The following PPFIA2 variants were observed in gnomAD, a reference collection of about 807,000 sequenced individuals.
PPFIA2 encodes PPFI scaffold protein A2.
Under a neutral mutation model 175.5 loss-of-function variants are expected in PPFIA2, and 46 were observed. The observed-to-expected ratio is 0.26, with a 90% CI of 0.21 to 0.34. The LOEUF (loss-of-function observed/expected upper bound fraction) is 0.34, where lower values mean the gene tolerates loss of function less well. Among genes scored for constraint, PPFIA2 ranks in the 10% least tolerant of loss-of-function variants. The probability of loss-of-function intolerance (pLI) is 1.00; values close to 1 mark genes in which losing one functional copy is unlikely to be tolerated. For synonymous variants in PPFIA2, 568 were observed against 511.4 expected (o/e 1.11, Z -1.49); for missense variants, 1,179 against 1,506.1 (o/e 0.78, Z 3.60).
intron 8 of PPFIA2, 97 bp from the exon 9 acceptor site, chr12:81,384,341 A>C (rs1336280245): frequency 1.1e-6 from 1 of 897,606 alleles, no homozygotes; most frequent in East Asian, 2.8e-5. Flanking sequence ...CTGCTTTCAC[A>C]GTGAGAAATA....
intron 4 of PPFIA2, among the ~76,000 whole-genome samples, chr12:81,510,979 T>G (rs901805629): frequency 2.6e-5 from 4 of 152,118 alleles, no homozygotes; most frequent in African/African-American, 7.2e-5. Context: ...TCTTTATCCT[T>G]TCCTTAATCT....
At chr12:81,754,999 C>T (rs943336630) in intron 2 of PPFIA2, among the ~76,000 whole-genome samples, 1 of 152,096 alleles carries the variant, frequency 6.6e-6, no homozygotes, top group African/African-American at 2.4e-5. Flanking sequence ...CATCATTACA[C>T]TTAATATTCC....
chr12:81,556,967 G>A (rs1027984907), intron 4 of PPFIA2, among the ~76,000 whole-genome samples: 1 of 151,804 alleles, frequency 6.6e-6, no homozygotes, highest in Non-Finnish European at 1.5e-5. Context: ...AAGTCAAGCT[G>A]TTAATTTCTT....
At chr12:81,412,570 T>G (rs1258828523) in intron 7 of PPFIA2, among the ~76,000 whole-genome samples, 3 of 151,944 alleles carry the variant, frequency 2.0e-5, no homozygotes, top group Non-Finnish European at 1.5e-5. Context: ...ACCAACCTAA[T>G]AATAATCAGG....
intron 4 of PPFIA2, among the ~76,000 whole-genome samples, chr12:81,673,681 T>A (rs1218849713): frequency 6.6e-6 from 1 of 152,046 alleles, no homozygotes; most frequent in African/African-American, 2.4e-5. Flanking sequence ...TTTAAGTTAA[T>A]ATTTAACAGA....
intron 14 of PPFIA2, among the ~76,000 whole-genome samples, chr12:81,363,949 G>A (rs1190182557): frequency 6.6e-6 from 1 of 151,858 alleles, no homozygotes; most frequent in Non-Finnish European, 1.5e-5. Context: ...GTAGTGAGCT[G>A]ACAAATGTCT....
intron 3 of PPFIA2, among the ~76,000 whole-genome samples, chr12:81,686,027 A>T (rs2074379741): frequency 1.3e-5 from 2 of 152,086 alleles, no homozygotes; most frequent in Admixed American, 6.6e-5. Flanking sequence ...TATTCAAACC[A>T]AAGAGGCTGA....
chr12:81,557,554 C>G (rs1188328213), intron 4 of PPFIA2, among the ~76,000 whole-genome samples: 1 of 152,018 alleles, frequency 6.6e-6, no homozygotes, highest in African/African-American at 2.4e-5. Flanking sequence ...TTAATAGCTA[C>G]AGTGAATGCT....
intron 4 of PPFIA2, among the ~76,000 whole-genome samples, chr12:81,483,671 T>C (rs1009734212): frequency 2.0e-5 from 3 of 152,028 alleles, no homozygotes; most frequent in Admixed American, 2.0e-4. Context: ...AGGTGAATTT[T>C]ATGCTATTTT....
intron 2 of PPFIA2, among the ~76,000 whole-genome samples, chr12:81,755,916 T>C (rs1427350769): frequency 6.6e-6 from 1 of 152,160 alleles, no homozygotes; most frequent in Non-Finnish European, 1.5e-5. Context: ...TGGATAAAAC[T>C]GTTTCTTGCA....
At chr12:81,489,103 C>T (rs1567035089) in intron 4 of PPFIA2, among the ~76,000 whole-genome samples, 1 of 151,608 alleles carries the variant, frequency 6.6e-6, no homozygotes, top group African/African-American at 2.4e-5. Flanking sequence ...TTGAGAGATA[C>T]AAAAATAATA....
chr12:81,558,374 T>G (rs1054674632), intron 4 of PPFIA2, among the ~76,000 whole-genome samples: 1 of 152,222 alleles, frequency 6.6e-6, no homozygotes, highest in Non-Finnish European at 1.5e-5. Context: ...TGATCTACAT[T>G]TCTTTATCCT....
At chr12:81,756,442 T>C (rs747355234) in intron 2 of PPFIA2, among the ~76,000 whole-genome samples, 6 of 152,068 alleles carry the variant, frequency 3.9e-5, no homozygotes, top group Non-Finnish European at 8.8e-5. Flanking sequence ...CCATGGGATA[T>C]AAACATTCAC....
In PPFIA2 at chr12:81,584,831, A is replaced by G. The variant is rs553094063; in HGVS notation, c.303+91960T>C. ...TTATTATATACAATAAATTTATTAT[A>G]TTTACATATTTTATAATTATAAATA... On this transcript the variant is annotated intron_variant, in intron 4 of 32. Transcript: ENST00000549396. 5.7e-3 allele frequency among the ~76,000 whole-genome samples: 724 copies of G among 127,730 alleles called. 14 individuals carry two copies. The highest frequency in any genetic ancestry group is 0.02 in the African/African-American group (691 of 33,904). The allele number at this position is 127,730 out of a possible 152,430, so 83.8% of individuals were successfully genotyped here. A position where few individuals can be genotyped will look rare whatever the true frequency, so the allele number is the denominator to read the frequency against.
chr12:81,292,302 T>C (rs924228761), intron 24 of PPFIA2: 1 of 152,112 alleles, frequency 6.6e-6, no homozygotes, highest in Non-Finnish European at 1.5e-5. Context: ...TTACAATAAC[T>C]ATTTTAATGG....
At chr12:81,308,162 G>T (rs552949224) in intron 22 of PPFIA2, among the ~76,000 whole-genome samples, 1 of 152,004 alleles carries the variant, frequency 6.6e-6, no homozygotes. Flanking sequence ...CATCTAATGC[G>T]CTCTCCTGTT....
intron 3 of PPFIA2, among the ~76,000 whole-genome samples, chr12:81,728,244 C>A (rs532588397): frequency 6.6e-6 from 1 of 151,332 alleles, no homozygotes; most frequent in African/African-American, 2.4e-5. Flanking sequence ...AGTCCAAGAG[C>A]AAAAAGGCTA....
chr12:81,679,131 GAAC>G (rs1364954398), intron 3 of PPFIA2, among the ~76,000 whole-genome samples: 4 of 151,928 alleles, frequency 2.6e-5, no homozygotes, highest in Non-Finnish European at 4.4e-5. Flanking sequence ...CTCATGGAAT[GAAC>G]AACATTAGGT....
chr12:81,486,438 AT>A (rs2058828343), intron 4 of PPFIA2, among the ~76,000 whole-genome samples: 1 of 151,970 alleles, frequency 6.6e-6, no homozygotes, highest in African/African-American at 2.4e-5. Flanking sequence ...ATTAACACAT[AT>A]AAAACATTTA....
Sources: gnomAD v4.1 joint callset for allele counts (sites outside exome capture counted in the v4.1 genomes callset) on GRCh38, gnomAD v4.1.1 for gene constraint, MANE v1.5 for transcripts, NCBI Gene and HGNC (gene_info 2026-07-23, HGNC 2026-07-21) for gene names.